The following KCNH8 variants were observed in gnomAD, a reference collection of about 807,000 sequenced individuals.
KCNH8 encodes voltage-gated delayed rectifier potassium channel KCNH8.
KCNH8 carries 70 observed loss-of-function variants against 103.6 expected under a neutral mutation model. The ratio of observed to expected loss-of-function variants is 0.68; its 90% CI spans 0.56 to 0.82. KCNH8 has a LOEUF of 0.82. KCNH8 is among the 40% of genes least tolerant of loss of function. The pLI, the probability that KCNH8 is intolerant of heterozygous loss-of-function variation, is 0.00. For synonymous variants in KCNH8, 498 were observed against 489.4 expected (o/e 1.02, Z -0.23); for missense variants, 1,217 against 1,329.9 (o/e 0.92, Z 1.32).
intron 7 of KCNH8, among the ~76,000 whole-genome samples, chr3:19,405,806 A>C (rs922239255): frequency 1.1e-4 from 16 of 152,002 alleles, no homozygotes; most frequent in African/African-American, 3.9e-4. Context: ...ATTTCTCTCA[A>C]AATGAGATAA....
At chr3:19,258,947 C>CTCTCTCTCTCTCTCTA (rs1321918245) in intron 2 of KCNH8, among the ~76,000 whole-genome samples, 5 of 24,802 alleles carry the variant, frequency 2.0e-4, no homozygotes, top group Non-Finnish European at 3.2e-4. Flanking sequence ...CTCTCTCTCT[C>CTCTCTCTCTCTCTCTA]TATATATATA....
chr3:19,345,224 G>A (rs2065714349), intron 4 of KCNH8, among the ~76,000 whole-genome samples: 1 of 152,146 alleles, frequency 6.6e-6, no homozygotes, highest in South Asian at 2.1e-4. Flanking sequence ...GATCACACTA[G>A]AGCCTTGAAA....
At chr3:19,170,584 C>CTATATATATATATATATATATA (rs113772694) in intron 1 of KCNH8, among the ~76,000 whole-genome samples, 4 of 114,040 alleles carry the variant, frequency 3.5e-5, no homozygotes, top group African/African-American at 6.4e-5. Flanking sequence ...CTTGGGGCAT[C>CTATATATATATATATATATATA]TATATATATA....
At chr3:19,193,100 T>A (rs898458091) in intron 1 of KCNH8, among the ~76,000 whole-genome samples, 6 of 151,670 alleles carry the variant, frequency 4.0e-5, no homozygotes, top group African/African-American at 1.4e-4. Context: ...CTGAAACTGA[T>A]CCCATTCAAG....
Position 19,377,580 on chromosome 3 carries a change from C to T in KCNH8, c.812-12901C>T, listed in dbSNP as rs542434513. On this transcript the variant is annotated intron_variant, in intron 5 of 15. Transcript: ENST00000328405. The stretch of plus-strand genomic sequence containing the variant: ...GGCAAGTATACAGAGGTGACCTCAA[C>T]GGATCATATTAATGCCTTGGTTTTA... 1.1e-4 allele frequency among the ~76,000 whole-genome samples: 17 copies of T among 152,288 alleles called. No homozygotes were observed. In the East Asian group the frequency reaches 1.5e-3, roughly 14 times the overall value.
intron 5 of KCNH8, among the ~76,000 whole-genome samples, chr3:19,357,111 G>T (rs925513368): frequency 1.3e-5 from 2 of 151,608 alleles, no homozygotes; most frequent in Non-Finnish European, 2.9e-5. Context: ...TCACTTCCTG[G>T]TGTGAAGATC....
intron 5 of KCNH8, among the ~76,000 whole-genome samples, chr3:19,364,413 A>T (rs918423523): frequency 1.3e-4 from 20 of 152,276 alleles, no homozygotes; most frequent in Admixed American, 1.3e-3. Flanking sequence ...AGCTATGAGA[A>T]TATTTACAGT....
At chr3:19,388,467 G>A (rs1444610339) in intron 5 of KCNH8, among the ~76,000 whole-genome samples, 1 of 152,042 alleles carries the variant, frequency 6.6e-6, no homozygotes, top group Non-Finnish European at 1.5e-5. Flanking sequence ...CCTCACGGTG[G>A]CCATGCTTCC....
At chr3:19,483,719 T>A (rs1329085203) in intron 11 of KCNH8, among the ~76,000 whole-genome samples, 2 of 152,214 alleles carry the variant, frequency 1.3e-5, no homozygotes, top group African/African-American at 4.8e-5. Context: ...TTTGTAAACT[T>A]TTCCTGAAAC....
At chr3:19,453,724 G>A (rs970924300) in intron 10 of KCNH8, among the ~76,000 whole-genome samples, 43 of 152,156 alleles carry the variant, frequency 2.8e-4, no homozygotes, top group African/African-American at 9.2e-4. Context: ...TCCCATGTGC[G>A]GACACAACGG....
In KCNH8 at chr3:19,393,795, G is replaced by T. The variant is rs79729546; in HGVS notation, c.970-1309G>T. On this transcript the variant is annotated intron_variant, in intron 6 of 15. Coordinates refer to ENST00000328405, the MANE Select transcript of KCNH8 (RefSeq NM_144633.3). ...CAGCTAGCTGTCAAGTTCTTCAAGC[G>T]CCCTTAAGAGTTTACTGTATTTGAT... Among the ~76,000 whole-genome samples, 1,351 of 152,096 alleles carry T rather than the reference G, an allele frequency of 8.9e-3. 6 individuals carry two copies. Among genetic ancestry groups the T allele is most frequent in the South Asian group, 0.019 (90 of 4,818 alleles).
At chr3:19,360,593 A>G (rs1450169364) in intron 5 of KCNH8, among the ~76,000 whole-genome samples, 1 of 152,084 alleles carries the variant, frequency 6.6e-6, no homozygotes, top group Non-Finnish European at 1.5e-5. Context: ...CCCCTGGTCT[A>G]GGACAATGTT....
chr3:19,154,265 T>C (rs1463265215), intron 1 of KCNH8, among the ~76,000 whole-genome samples: 1 of 152,158 alleles, frequency 6.6e-6, no homozygotes, highest in Non-Finnish European at 1.5e-5. Flanking sequence ...GTACTTGTCA[T>C]TGAGGCTGGA....
chr3:19,378,211 CATAA>C (rs1311928295), intron 5 of KCNH8, among the ~76,000 whole-genome samples: 3 of 152,122 alleles, frequency 2.0e-5, no homozygotes, highest in African/African-American at 7.2e-5. Flanking sequence ...ATGGGCAAAC[CATAA>C]AATTTGTACA....
chr3:19,245,324 T>C (rs1031122094), intron 1 of KCNH8, among the ~76,000 whole-genome samples: 14 of 152,318 alleles, frequency 9.2e-5, no homozygotes, highest in African/African-American at 2.9e-4. Context: ...TATGTGTCTG[T>C]TTTTGTACCA....
chr3:19,412,860 A>G (rs977333104), intron 7 of KCNH8, among the ~76,000 whole-genome samples: 1 of 152,042 alleles, frequency 6.6e-6, no homozygotes, highest in Non-Finnish European at 1.5e-5. Context: ...CTATTATTAT[A>G]ATATAAAAAA....
intron 3 of KCNH8, among the ~76,000 whole-genome samples, chr3:19,304,494 GAAAT>G (rs1047445012): frequency 9.2e-5 from 14 of 151,976 alleles, no homozygotes; most frequent in African/African-American, 3.1e-4. Context: ...CGATATTCAT[GAAAT>G]AAATATAGGA....
intron 7 of KCNH8, among the ~76,000 whole-genome samples, 182 bp downstream of exon 7, chr3:19,395,493 AACGTTAC>A (rs1442984507): frequency 6.6e-6 from 1 of 151,964 alleles, no homozygotes; most frequent in Non-Finnish European, 1.5e-5. Flanking sequence ...TTTCTGGAAC[AACGTTAC>A]ATTTTTTTCA....
chr3:19,377,042 A>G (rs1334824103), intron 5 of KCNH8, among the ~76,000 whole-genome samples: 1 of 152,214 alleles, frequency 6.6e-6, no homozygotes, highest in Non-Finnish European at 1.5e-5. Flanking sequence ...ATAAGTTGTC[A>G]ATAGAACAAA....
Sources: allele counts gnomAD v4.1 joint callset (sites outside exome capture counted in the v4.1 genomes callset), GRCh38; gene constraint gnomAD v4.1.1; transcripts MANE v1.5; gene names NCBI Gene and HGNC (gene_info 2026-07-23, HGNC 2026-07-21).